The following KANSL1L variants were observed in gnomAD, a reference collection of about 807,000 sequenced individuals.
KANSL1L encodes KAT8 regulatory NSL complex subunit 1-like protein.
Under a neutral mutation model 108.6 loss-of-function variants are expected in KANSL1L, and 25 were observed. The ratio of observed to expected loss-of-function variants is 0.23; its 90% CI spans 0.17 to 0.32. KANSL1L has a LOEUF of 0.32. Among genes scored for constraint, KANSL1L ranks in the 10% least tolerant of loss-of-function variants. The pLI is 1.00. For missense variants in KANSL1L, 1,137 were observed against 1,125.7 expected, an observed-to-expected ratio of 1.01 and a Z score of -0.14; for synonymous variants, 405 against 395.1, an observed-to-expected ratio of 1.03 and a Z score of -0.30.
Position 210,075,577 on chromosome 2 carries a change from C to G in KANSL1L, c.1730G>C (p.Ser577Thr), listed in dbSNP as rs148038625. ...CTGTGGAGTCCAATAAAAAGTAGGG[C>G]TCAATCTGTACAGTTTTCGTTTGTG... ...SFHKRKLYRL[S>T]PTFYWTPQTL... The change falls in exon 6 of 15, where the codon AGC becomes ACC. Residue 577 changes from serine (S) to threonine (T), a missense_variant. Physicochemically the swap from Ser to Thr is moderately conservative, Grantham distance 58. Transcript: ENST00000281772. The G allele has an allele frequency of 5.0e-4, 802 of 1,613,982 alleles. 5 individuals are homozygous for G. Among genetic ancestry groups the G allele is most frequent in the South Asian group, 4.9e-3 (447 of 91,076 alleles).
intron 3 of KANSL1L, among the ~76,000 whole-genome samples, chr2:210,114,867 A>G (rs1482691716): frequency 1.3e-5 from 2 of 152,120 alleles, no homozygotes; most frequent in African/African-American, 4.8e-5. Flanking sequence ...AATAAATTCA[A>G]ATTATAATGT....
chr2:210,041,576 C>T (rs952310365), intron 7 of KANSL1L, among the ~76,000 whole-genome samples: 6 of 152,250 alleles, frequency 3.9e-5, no homozygotes, highest in South Asian at 4.1e-4. Flanking sequence ...GCTGAGACTA[C>T]GGGTGCACAA....
chr2:210,162,672 C>T (rs1436474451), intron 1 of KANSL1L, among the ~76,000 whole-genome samples: 1 of 150,962 alleles, frequency 6.6e-6, no homozygotes, highest in Non-Finnish European at 1.5e-5. Context: ...TTTACTTGAG[C>T]AAAGGAAGAG....
At chr2:210,071,902 T>C (rs1160438373) in intron 6 of KANSL1L, among the ~76,000 whole-genome samples, 5 of 152,322 alleles carry the variant, frequency 3.3e-5, no homozygotes, top group African/African-American at 1.2e-4. Context: ...CTGGTACCAT[T>C]CCAGAAGGGA....
intron 3 of KANSL1L, among the ~76,000 whole-genome samples, chr2:210,126,277 T>G (rs1235855704): frequency 1.3e-5 from 2 of 152,178 alleles, no homozygotes; most frequent in Non-Finnish European, 2.9e-5. Flanking sequence ...TTGATAGACT[T>G]GTATAAACTA....
intron 10 of KANSL1L, 50 bp from the exon 11 acceptor site, chr2:210,029,019 A>ATG (rs768614731): frequency 6.9e-6 from 10 of 1,445,136 alleles, no homozygotes; most frequent in Non-Finnish European, 9.4e-6. Context: ...GTTACTTGTA[A>ATG]TGATACCCTC....
chr2:210,164,236 A>G (rs2095375457), intron 1 of KANSL1L, among the ~76,000 whole-genome samples: 1 of 152,188 alleles, frequency 6.6e-6, no homozygotes, highest in Admixed American at 6.5e-5. Context: ...CCAGGGATCA[A>G]CTATCGACTA....
chr2:210,149,739 ATATT>A (rs1033078220), intron 2 of KANSL1L, among the ~76,000 whole-genome samples: 41 of 152,160 alleles, frequency 2.7e-4, no homozygotes, highest in African/African-American at 9.1e-4. Flanking sequence ...TTTGCTCTCA[ATATT>A]TAGTCAATTT....
intron 3 of KANSL1L, among the ~76,000 whole-genome samples, chr2:210,120,381 G>C (rs776580082): frequency 1.3e-5 from 2 of 152,110 alleles, no homozygotes; most frequent in South Asian, 4.1e-4. Context: ...GACAGGGTGA[G>C]ACTCCGTCTC....
chr2:210,132,061 T>A (rs1276438053), intron 2 of KANSL1L, among the ~76,000 whole-genome samples: 3 of 152,210 alleles, frequency 2.0e-5, no homozygotes, highest in African/African-American at 7.2e-5. Context: ...AAAACATGTT[T>A]GCTATGCTTA....
rs761425266 is a variant in KANSL1L, at chr2:210,154,270, T to C, written c.313A>G (p.Ser105Gly). Reference sequence around the variant, plus strand: ...AGTATGTTTTTCAGCTTATTGCAACTGGGCTCCCCTAATTTCTTTTGTTTA... The same window carrying C: ...AGTATGTTTTTCAGCTTATTGCAACCGGGCTCCCCTAATTTCTTTTGTTTA... ...NYKQKKLGEP[S>G]CNKLKNILYN... is the part of the protein sequence containing the mutation. The change falls in exon 2 of 15, where the codon AGT (serine) becomes GGT (glycine). Residue 105 changes from serine (S) to glycine (G), a missense_variant. Ser to Gly is a moderately conservative substitution (Grantham distance 56). Coordinates refer to ENST00000281772, the MANE Select transcript of KANSL1L (RefSeq NM_152519.4). 6.2e-7 allele frequency: 1 copy of C among 1,613,818 alleles called. No homozygotes were observed. Among genetic ancestry groups the C allele is most frequent in the Non-Finnish European group, 8.5e-7 (1 of 1,179,894 alleles).
chr2:210,101,911 C>G (rs1460956710), intron 4 of KANSL1L, among the ~76,000 whole-genome samples: 1 of 152,166 alleles, frequency 6.6e-6, no homozygotes, highest in Non-Finnish European at 1.5e-5. Context: ...AGGCATGAAT[C>G]TGTATAATTT....
intron 5 of KANSL1L, among the ~76,000 whole-genome samples, chr2:210,087,946 A>G (rs1469862688): frequency 2.6e-5 from 4 of 152,202 alleles, no homozygotes; most frequent in Admixed American, 6.5e-5. Flanking sequence ...GTTTAAAATT[A>G]TACATTTGTG....
At chr2:210,033,062 T>C (rs544509329) in intron 8 of KANSL1L, 2 of 152,200 alleles carry the variant, frequency 1.3e-5, no homozygotes, top group East Asian at 3.9e-4. Flanking sequence ...CATAACTTGA[T>C]GGAACAGAGT....
chr2:210,050,620 C>T (rs1300947977), intron 6 of KANSL1L, among the ~76,000 whole-genome samples: 1 of 148,738 alleles, frequency 6.7e-6, no homozygotes, highest in Non-Finnish European at 1.5e-5. Flanking sequence ...TTTGAGAGGC[C>T]ATGGCAGGAG....
chr2:210,152,624 T>C (rs559790151), intron 2 of KANSL1L: 1 of 152,382 alleles, frequency 6.6e-6, no homozygotes, highest in East Asian at 1.9e-4. Flanking sequence ...AAGCATTCAA[T>C]AGATATCTTA....
In KANSL1L at chr2:210,161,730, G is replaced by C. The variant is rs139563020; in HGVS notation, c.-29-7119C>G. On this transcript the variant is annotated intron_variant, in intron 1 of 14. Transcript: ENST00000281772. ...TGAAAGTCACTGAGTTTATCATTCA[G>C]ATTAATGCTGAATAGTGGTTTTGAC... Among the ~76,000 whole-genome samples, 542 of 152,224 alleles carry C rather than the reference G, an allele frequency of 3.6e-3. 6 individuals carry two copies. Among genetic ancestry groups the C allele is most frequent in the African/African-American group, 0.012 (511 of 41,538 alleles).
intron 3 of KANSL1L, among the ~76,000 whole-genome samples, chr2:210,127,585 G>A (rs2095077748): frequency 6.6e-6 from 1 of 151,912 alleles, no homozygotes; most frequent in African/African-American, 2.4e-5. Flanking sequence ...GATCATTTAA[G>A]TCTAGGAGTT....
intron 5 of KANSL1L, chr2:210,079,706 A>ATATATATGTATGTGTGTG (rs1559540037): frequency 1.6e-5 from 2 of 125,104 alleles, no homozygotes; most frequent in African/African-American, 3.3e-5. Flanking sequence ...GTGTGTATAT[A>ATATATATGTATGTGTGTG]TATATATATA....
Sources: allele counts gnomAD v4.1 joint callset (sites outside exome capture counted in the v4.1 genomes callset), GRCh38; gene constraint gnomAD v4.1.1; transcripts MANE v1.5; gene names NCBI Gene and HGNC (gene_info 2026-07-23, HGNC 2026-07-21).